The following ZPLD1 variants were observed in gnomAD, a reference collection of about 807,000 sequenced individuals.
The protein encoded by ZPLD1 is zona pellucida like domain containing 1.
ZPLD1 carries 34 observed loss-of-function variants against 47.2 expected under a neutral mutation model. That is an observed-to-expected ratio of 0.72 (90% CI 0.55 to 0.96). The LOEUF (loss-of-function observed/expected upper bound fraction) is 0.96. Ranked by LOEUF, ZPLD1 falls within the 40% of genes least tolerant of loss-of-function variation. The pLI, the probability that ZPLD1 is intolerant of heterozygous loss-of-function variation, is 0.00. For missense variants in ZPLD1, 512 were observed against 505.8 expected, an observed-to-expected ratio of 1.01 and a Z score of -0.12; for synonymous variants, 176 against 186.2, an observed-to-expected ratio of 0.95 and a Z score of 0.45.
At chr3:102,470,954 T>C (rs1707675482) in intron 10 of ZPLD1, among the ~76,000 whole-genome samples, 1 of 152,030 alleles carries the variant, frequency 6.6e-6, no homozygotes, top group African/African-American at 2.4e-5. Context: ...AATTTTTGTA[T>C]TTTTAGTAGA....
In ZPLD1 at chr3:102,456,386, T is replaced by G; in HGVS notation, c.509+12T>G. On this transcript the variant is annotated intron_variant, in intron 5 of 11. Coordinates refer to ENST00000466937, the MANE Select transcript of ZPLD1 (RefSeq NM_001329788.2). ...ACCCAGCTTGCTTCGTAAGTTTGCA[T>G]TTTATTCCTGCTTTCTCATATTGCA... 6.2e-7 allele frequency: 1 copy of G among 1,607,600 alleles called. No individual in the cohort carries two copies. The highest frequency in any genetic ancestry group is 8.5e-7 in the Non-Finnish European group (1 of 1,176,942).
intron 7 of ZPLD1, among the ~76,000 whole-genome samples, chr3:102,414,908 T>C (rs1706787660): frequency 6.6e-6 from 1 of 151,886 alleles, no homozygotes; most frequent in Admixed American, 6.6e-5. Context: ...ATATGTACAA[T>C]ACAATAAAAC....
chr3:102,466,196 C>A (rs534782374), intron 8 of ZPLD1, among the ~76,000 whole-genome samples: 1 of 152,108 alleles, frequency 6.6e-6, no homozygotes, highest in Non-Finnish European at 1.5e-5. Context: ...CTGTGAATAT[C>A]TTTTAAGTTC....
intron 10 of ZPLD1, among the ~76,000 whole-genome samples, chr3:102,473,140 C>T (rs1707710205): frequency 6.6e-6 from 1 of 152,146 alleles, no homozygotes. Flanking sequence ...TCAATTACCT[C>T]CCACAACATG....
intron 7 of ZPLD1, among the ~76,000 whole-genome samples, chr3:102,398,787 G>A (rs566163815): frequency 1.3e-5 from 2 of 152,226 alleles, no homozygotes; most frequent in South Asian, 2.1e-4. Context: ...ACACAAGTTT[G>A]AAGGCATGTC....
rs1707780608 is a variant in ZPLD1, at chr3:102,477,731, G to A, written c.*113G>A. 1 of 1,054,296 alleles carries A rather than the reference G, an allele frequency of 9.5e-7. No homozygotes were observed. The highest frequency in any genetic ancestry group is 1.3e-6 in the Non-Finnish European group (1 of 747,702). 65.3% of individuals were successfully genotyped at this position (1,054,296 alleles called of 1,614,324 possible). A position where few individuals can be genotyped will look rare whatever the true frequency, so the allele number is the denominator to read the frequency against. On this transcript the variant is annotated 3_prime_UTR_variant, in exon 12 of 12. Coordinates refer to ENST00000466937, the MANE Select transcript of ZPLD1 (RefSeq NM_001329788.2). The stretch of plus-strand genomic sequence containing the variant: ...GTCCACATTCAATATTTGTAGGTTT[G>A]ATAAATTTCACAGTATAGCTTGTCA...
chr3:102,471,720 G>A (rs763358407), intron 10 of ZPLD1, among the ~76,000 whole-genome samples: 12 of 152,258 alleles, frequency 7.9e-5, no homozygotes, highest in Non-Finnish European at 1.6e-4. Context: ...GTTCTAACAT[G>A]CTATGCGACT....
At chr3:102,418,529 T>C (rs1418679916) in intron 8 of ZPLD1, among the ~76,000 whole-genome samples, 2 of 152,018 alleles carry the variant, frequency 1.3e-5, no homozygotes, top group Non-Finnish European at 2.9e-5. Flanking sequence ...TTTGGCAGTT[T>C]CTTCAATCTT....
chr3:102,393,677 T>C (rs1220493401), intron 7 of ZPLD1, among the ~76,000 whole-genome samples: 1 of 151,988 alleles, frequency 6.6e-6, no homozygotes, highest in Non-Finnish European at 1.5e-5. Flanking sequence ...GATAAAACAC[T>C]TAGGTTTGAA....
At chr3:102,442,319 AAC>A (rs34634788) in intron 3 of ZPLD1, among the ~76,000 whole-genome samples, 54,620 of 139,330 alleles carry the variant, frequency 0.39, 11,569 homozygotes, top group East Asian at 0.52. Context: ...TACACCCATA[AAC>A]ACACACACAC....
intron 3 of ZPLD1, among the ~76,000 whole-genome samples, chr3:102,449,764 T>C (rs1360387427): frequency 1.3e-5 from 2 of 152,218 alleles, no homozygotes; most frequent in Non-Finnish European, 2.9e-5. Flanking sequence ...TAGGCATGTA[T>C]ATATAGGAAA....
intron 7 of ZPLD1, among the ~76,000 whole-genome samples, chr3:102,415,526 G>A (rs1430194083): frequency 6.6e-6 from 1 of 151,866 alleles, no homozygotes; most frequent in African/African-American, 2.4e-5. Flanking sequence ...ACTTCATGAA[G>A]CATAGGGGTT....
At chr3:102,387,775 A>T (rs1706446909) in intron 6 of ZPLD1, among the ~76,000 whole-genome samples, 2 of 148,782 alleles carry the variant, frequency 1.3e-5, no homozygotes, top group African/African-American at 5.0e-5. Context: ...TCTAGTTGTA[A>T]TTTTTCATTA....
intron 3 of ZPLD1, among the ~76,000 whole-genome samples, chr3:102,440,967 T>C (rs1576149134): frequency 6.6e-6 from 1 of 151,728 alleles, no homozygotes; most frequent in African/African-American, 2.4e-5. Context: ...CTTGGAAAAG[T>C]GTAGTTGTTT....
At chr3:102,405,619 G>T (rs769305434) in intron 7 of ZPLD1, among the ~76,000 whole-genome samples, 2 of 151,998 alleles carry the variant, frequency 1.3e-5, no homozygotes, top group African/African-American at 2.4e-5. Flanking sequence ...AGTGGTAACT[G>T]CTTACTCATT....
At chr3:102,394,287 C>T (rs1706533310) in intron 7 of ZPLD1, among the ~76,000 whole-genome samples, 1 of 152,098 alleles carries the variant, frequency 6.6e-6, no homozygotes, top group South Asian at 2.1e-4. Context: ...TACATTTAAA[C>T]ATAGAAGTCA....
chr3:102,471,726 C>T (rs1175737100), intron 10 of ZPLD1, among the ~76,000 whole-genome samples: 2 of 152,122 alleles, frequency 1.3e-5, no homozygotes, highest in Non-Finnish European at 2.9e-5. Flanking sequence ...ACATGCTATG[C>T]GACTAGAGGC....
chr3:102,415,947 C>A (rs1451496202), intron 7 of ZPLD1, among the ~76,000 whole-genome samples: 1 of 151,884 alleles, frequency 6.6e-6, no homozygotes, highest in Non-Finnish European at 1.5e-5. Context: ...AAGTCCTTTT[C>A]TGCACAGGAT....
intron 3 of ZPLD1, among the ~76,000 whole-genome samples, chr3:102,446,071 G>GTTT (rs760631315): frequency 9.9e-5 from 15 of 152,086 alleles, no homozygotes; most frequent in Non-Finnish European, 2.1e-4. Context: ...TACATATTTT[G>GTTT]TTTGTAAATG....
Sources: allele counts gnomAD v4.1 joint callset (sites outside exome capture counted in the v4.1 genomes callset), GRCh38; gene constraint gnomAD v4.1.1; transcripts MANE v1.5; gene names NCBI Gene and HGNC (gene_info 2026-07-23, HGNC 2026-07-21).